The following MYH15 variants were observed in gnomAD, a reference collection of about 807,000 sequenced individuals.
MYH15 encodes the protein myosin heavy chain 15.
Under a neutral mutation model 240.5 loss-of-function variants are expected in MYH15, and 227 were observed. The ratio of observed to expected loss-of-function variants is 0.94; its 90% CI spans 0.85 to 1.05. MYH15 has a LOEUF of 1.05. Ranked by LOEUF, MYH15 falls within the 50% of genes least tolerant of loss-of-function variation. The probability of loss-of-function intolerance (pLI) is 0.00; values close to 1 mark genes in which losing one functional copy is unlikely to be tolerated. For missense variants in MYH15, 2,217 were observed against 2,247.5 expected (o/e 0.99, Z 0.27); for synonymous variants, 785 against 796.7 (o/e 0.99, Z 0.25).
chr3:108,513,305 G>T (rs548500456), upstream of MYH15, among the ~76,000 whole-genome samples: 5 of 152,042 alleles, frequency 3.3e-5, no homozygotes, highest in Non-Finnish European at 7.4e-5. Flanking sequence ...CATGTTTATC[G>T]GAGAATTCTG....
At chr3:108,386,323 C>T (rs573036849) in intron 38 of MYH15, among the ~76,000 whole-genome samples, 92 of 152,290 alleles carry the variant, frequency 6.0e-4, no homozygotes, top group Non-Finnish European at 1.2e-3. Context: ...AGCTCTAGGG[C>T]ATTGAGTAAC....
chr3:108,481,878 G>A (rs2083270616), intron 11 of MYH15, among the ~76,000 whole-genome samples: 1 of 152,138 alleles, frequency 6.6e-6, no homozygotes, highest in Admixed American at 6.5e-5. Flanking sequence ...AGGAACGTGG[G>A]GTTTTATTTG....
At chr3:108,399,036 T>C in intron 34 of MYH15, 39 bp downstream of exon 34, 1 of 1,586,750 alleles carries the variant, frequency 6.3e-7, no homozygotes, top group South Asian at 1.1e-5. Context: ...CAGAAACATT[T>C]TCCACCCCTC....
chr3:108,511,929 G>C (rs766813690), upstream of MYH15, among the ~76,000 whole-genome samples: 2 of 152,200 alleles, frequency 1.3e-5, no homozygotes, highest in Non-Finnish European at 2.9e-5. Flanking sequence ...TACTGGTTCA[G>C]GCTAAGAGTT....
intron 29 of MYH15, among the ~76,000 whole-genome samples, chr3:108,416,460 G>A (rs1163141753): frequency 6.6e-6 from 1 of 152,050 alleles, no homozygotes; most frequent in African/African-American, 2.4e-5. Context: ...AAGTAATATT[G>A]AGCTAACCCA....
chr3:108,409,483 T>C (rs1401488501), intron 31 of MYH15, among the ~76,000 whole-genome samples: 4 of 152,358 alleles, frequency 2.6e-5, no homozygotes, highest in African/African-American at 9.6e-5. Context: ...CAGCCATCTG[T>C]GCTTTAACAA....
At chr3:108,474,118 G>A (rs1231342479) in intron 12 of MYH15, among the ~76,000 whole-genome samples, 1 of 151,952 alleles carries the variant, frequency 6.6e-6, no homozygotes, top group African/African-American at 2.4e-5. Flanking sequence ...GAATGTTAAC[G>A]TTGCAAAAAT....
At chr3:108,440,899 G>A (rs2082878994) in intron 23 of MYH15, 119 bp downstream of exon 23, 3 of 1,225,606 alleles carry the variant, frequency 2.4e-6, no homozygotes, top group Non-Finnish European at 2.3e-6. Flanking sequence ...TCTCAATGCT[G>A]TAAAGTTGCA....
At chr3:108,426,261 G>GTAGGGATAGAA (rs1345720761) in intron 27 of MYH15, among the ~76,000 whole-genome samples, 3 of 151,238 alleles carry the variant, frequency 2.0e-5, no homozygotes, top group Non-Finnish European at 4.4e-5. Flanking sequence ...AAGGAAATTA[G>GTAGGGATAGAA]TAGGGATAGA....
chr3:108,384,590 C>G (rs751432919), intron 39 of MYH15, 97 bp downstream of exon 39: 10 of 1,146,718 alleles, frequency 8.7e-6, no homozygotes, highest in Non-Finnish European at 1.2e-5. Flanking sequence ...AGCAGGTCCT[C>G]TCTGACAAGC....
intron 18 of MYH15, 34 bp from the exon 19 acceptor site, chr3:108,456,917 C>T (rs369723221): frequency 5.4e-5 from 80 of 1,488,202 alleles, no homozygotes; most frequent in Non-Finnish European, 7.0e-5. Context: ...TGGATCTGTG[C>T]CTGAAAAAAA....
chr3:108,460,120 G>A (rs947310874), intron 17 of MYH15, among the ~76,000 whole-genome samples, 180 bp downstream of exon 17: 4 of 152,184 alleles, frequency 2.6e-5, no homozygotes, highest in African/African-American at 9.7e-5. Flanking sequence ...TAAAGGGGAT[G>A]TAAGTGGGAA....
At chr3:108,550,531 AAT>A in the MYH15 span, 1 of 151,502 alleles carries the variant, frequency 6.6e-6, no homozygotes, top group East Asian at 1.9e-4. Flanking sequence ...ATTTAAATGT[AAT>A]AGTTTAACAC....
intron 20 of MYH15, among the ~76,000 whole-genome samples, chr3:108,455,422 T>C (rs2083010613): frequency 6.6e-6 from 1 of 152,234 alleles, no homozygotes; most frequent in Non-Finnish European, 1.5e-5. Context: ...AGGAAGCTGA[T>C]TCACTTTTTC....
chr3:108,521,579 A>G (rs2083618156), intron 1 of MYH15, among the ~76,000 whole-genome samples: 2 of 152,188 alleles, frequency 1.3e-5, no homozygotes, highest in African/African-American at 2.4e-5. Flanking sequence ...TGAGGGCAGA[A>G]GTAAACTAAT....
chr3:108,469,994 G>A lies in MYH15; in HGVS notation c.1554+48C>T, dbSNP rs1258660597. The A allele has an allele frequency of 1.9e-6, 3 of 1,561,900 alleles. No homozygotes were observed. The African/African-American group carries it at 4.2e-5, about 22-fold the overall frequency. On this transcript the variant is annotated intron_variant, in intron 14 of 40. Coordinates refer to ENST00000693548, the MANE Select transcript of MYH15 (RefSeq NM_014981.3). ...GACATGGATCAACATAGCAGGCAGG[G>A]ACAATTCTCCCGAAATGAAAATGGA...
At chr3:108,547,875 G>A in the MYH15 span, among the ~76,000 whole-genome samples, 3 of 152,166 alleles carry the variant, frequency 2.0e-5, no homozygotes, top group African/African-American at 2.4e-5. Context: ...CAGCCTATAT[G>A]CAGTATCTGC....
At chr3:108,473,977 T>C (rs773221859) in intron 12 of MYH15, among the ~76,000 whole-genome samples, 1 of 152,218 alleles carries the variant, frequency 6.6e-6, no homozygotes, top group Non-Finnish European at 1.5e-5. Context: ...AACTGTCCCA[T>C]CTTAAATGCC....
chr3:108,501,836 T>G lies in MYH15; in HGVS notation c.215A>C (p.Asp72Ala). The change falls in exon 3 of 41, where the codon GAC becomes GCC. Residue 72 changes from aspartate (D) to alanine (A), a missense_variant. By Grantham distance (126) the Asp-to-Ala change is moderately radical (BLOSUM62 -2). Transcript: ENST00000693548. ...TGGAGGATTCATCTGCTGGATTTTG[T>G]CCTCCTTTATGCTCAGACTCTGCAG... ...ADGESLSIKE[D>A]KIQQMNPPEF... is the part of the protein sequence containing the mutation. The G allele has an allele frequency of 6.2e-7, 1 of 1,614,032 alleles. No individual in the cohort carries two copies. The highest frequency in any genetic ancestry group is 8.5e-7 in the Non-Finnish European group (1 of 1,179,928).
Sources: gnomAD v4.1 joint callset for allele counts (sites outside exome capture counted in the v4.1 genomes callset) on GRCh38, gnomAD v4.1.1 for gene constraint, MANE v1.5 for transcripts, NCBI Gene and HGNC (gene_info 2026-07-23, HGNC 2026-07-21) for gene names.